The following GPC3 variants were observed in gnomAD, a reference collection of about 807,000 sequenced individuals.
The protein encoded by GPC3 is glypican-3.
A neutral mutation model predicts 34.4 loss-of-function variants in GPC3; 3 were observed. The ratio of observed to expected loss-of-function variants is 0.09; its 90% CI spans 0.04 to 0.23. GPC3 has a LOEUF of 0.23. Among genes scored for constraint, GPC3 ranks in the 10% least tolerant of loss-of-function variants. The probability of loss-of-function intolerance (pLI) is 1.00; values close to 1 mark genes in which losing one functional copy is unlikely to be tolerated. For missense variants in GPC3, 351 were observed against 445.6 expected (o/e 0.79, Z 1.91); for synonymous variants, 177 against 174.0 (o/e 1.02, Z -0.13).
At chrX:133,963,103 G>A (rs1287433730) in intron 1 of GPC3, among the ~76,000 whole-genome samples, 3 of 112,417 alleles carry the variant, frequency 2.7e-5, no homozygotes, top group Admixed American at 9.4e-5. Flanking sequence ...TTTTAGGAAC[G>A]CTTTGTCAAT....
At chrX:133,814,380 A>C in intron 2 of GPC3, among the ~76,000 whole-genome samples, 1 of 110,699 alleles carries the variant, frequency 9.0e-6, no homozygotes, top group Non-Finnish European at 1.9e-5. Context: ...AAATCTGCTG[A>C]TGTGGTTTCC....
intron 7 of GPC3, among the ~76,000 whole-genome samples, chrX:133,573,473 T>C (rs1156415039): frequency 8.9e-6 from 1 of 111,955 alleles, no homozygotes; most frequent in African/African-American, 3.2e-5. Context: ...AGAACTGTCT[T>C]TATTTGAAGA....
In GPC3 at chrX:133,687,383, GTTTTTTTTTTTT is replaced by G. The variant is rs1189478107; in HGVS notation, c.1292+4974_1292+4985del. ...TGTGGAATGAGCCTGAATTATCAGA[GTTTTTTTTTTTT>G]TTTTTTTTTTTTTTGAGATGGAATC... On this transcript the variant is annotated intron_variant, in intron 5 of 7. Transcript: ENST00000370818. 1.4e-3 allele frequency among the ~76,000 whole-genome samples: 71 copies of G among 50,209 alleles called. 1 individual carries two copies. The East Asian group carries it at 0.029, about 20-fold the overall frequency. 43.6% of individuals were successfully genotyped at this position (50,209 alleles called of 115,157 possible).
At chrX:133,732,826 A>C (rs981431169) in intron 3 of GPC3, among the ~76,000 whole-genome samples, 3 of 111,596 alleles carry the variant, frequency 2.7e-5, no homozygotes, top group Non-Finnish European at 3.8e-5. Flanking sequence ...CTTTGGAGGC[A>C]ATCCACTACA....
chrX:133,594,053 G>A (rs966798662), intron 7 of GPC3, among the ~76,000 whole-genome samples: 16 of 111,137 alleles, frequency 1.4e-4, no homozygotes, highest in Non-Finnish European at 2.6e-4. Flanking sequence ...CTGAGACTGC[G>A]CCACTGCACT....
intron 2 of GPC3, among the ~76,000 whole-genome samples, chrX:133,915,126 T>C (rs1374282894): frequency 9.2e-6 from 1 of 108,859 alleles, no homozygotes; most frequent in East Asian, 2.8e-4. Flanking sequence ...TGTACCATGA[T>C]TGATTAACAG....
intron 7 of GPC3, among the ~76,000 whole-genome samples, chrX:133,580,384 T>C (rs1569387723): frequency 8.9e-6 from 1 of 112,053 alleles, no homozygotes; most frequent in Non-Finnish European, 1.9e-5. Flanking sequence ...GAAATGTGCA[T>C]GATTTCCTCA....
At chrX:133,851,636 T>C (rs2075874137) in intron 2 of GPC3, among the ~76,000 whole-genome samples, 1 of 112,130 alleles carries the variant, frequency 8.9e-6, no homozygotes, top group African/African-American at 3.2e-5. Flanking sequence ...GTATAAGTTC[T>C]ACTTTCTCTA....
At chrX:133,878,053 T>C (rs1211471554) in intron 2 of GPC3, among the ~76,000 whole-genome samples, 1 of 112,439 alleles carries the variant, frequency 8.9e-6, no homozygotes, top group African/African-American at 3.2e-5. Context: ...CTTACTTTTT[T>C]TCTCTATTTT....
At chrX:133,559,407 G>C (rs1340723894) in intron 7 of GPC3, among the ~76,000 whole-genome samples, 4 of 111,676 alleles carry the variant, frequency 3.6e-5, no homozygotes, top group African/African-American at 1.3e-4. Context: ...CACTGTGCCA[G>C]GTGCCATAGT....
chrX:133,672,610 C>A (rs2070839064), intron 5 of GPC3, among the ~76,000 whole-genome samples: 1 of 112,279 alleles, frequency 8.9e-6, no homozygotes, highest in Non-Finnish European at 1.9e-5. Context: ...TTGTCCTACT[C>A]AAGCTAAACC....
At chrX:133,647,517 T>C (rs1204522100) in intron 6 of GPC3, among the ~76,000 whole-genome samples, 10 of 112,704 alleles carry the variant, frequency 8.9e-5, no homozygotes. Flanking sequence ...TGTAAAGTTC[T>C]TGGAGACTGT....
chrX:133,680,694 A>G (rs1002536479), intron 5 of GPC3, among the ~76,000 whole-genome samples: 4 of 112,384 alleles, frequency 3.6e-5, no homozygotes, highest in African/African-American at 1.3e-4. Context: ...AGGGTGACAG[A>G]AAGGACTTTA....
In GPC3 at chrX:133,841,215, A is replaced by ATTT. The variant is rs769696321; in HGVS notation, c.338-87042_338-87040dup. On this transcript the variant is annotated intron_variant, in intron 2 of 7. Transcript: ENST00000370818. ...ACCACCATGCCTGGCTAATCTTTTA[A>ATTT]TTTTTTTTTTTTTTTTTTTTTTTGG... is the stretch of plus-strand genomic sequence containing the variant. Among the ~76,000 whole-genome samples, 16 of 39,244 alleles carry ATTT rather than the reference A, an allele frequency of 4.1e-4. 4 individuals are homozygous for ATTT. The highest frequency in any genetic ancestry group is 7.5e-4 in the Non-Finnish European group (14 of 18,661). 34.1% of individuals were successfully genotyped at this position (39,244 alleles called of 115,157 possible).
chrX:133,687,197 C>T (rs2071016274), intron 5 of GPC3, among the ~76,000 whole-genome samples: 1 of 101,863 alleles, frequency 9.8e-6, no homozygotes, highest in Admixed American at 1.1e-4. Flanking sequence ...CTGCCTCGGC[C>T]TCCCAAAGTG....
intron 6 of GPC3, among the ~76,000 whole-genome samples, chrX:133,635,074 G>A (rs1469143991): frequency 2.7e-5 from 3 of 111,239 alleles, no homozygotes; most frequent in Non-Finnish European, 5.6e-5. Flanking sequence ...TGAAGTTCAA[G>A]TTGACACTTT....
intron 3 of GPC3, among the ~76,000 whole-genome samples, chrX:133,719,145 C>T (rs1603232362): frequency 1.8e-5 from 2 of 110,982 alleles, no homozygotes; most frequent in African/African-American, 6.6e-5. Flanking sequence ...AAACACAATT[C>T]TCTACTACAC....
chrX:133,774,757 G>A (rs755116998), intron 2 of GPC3, among the ~76,000 whole-genome samples: 17 of 111,452 alleles, frequency 1.5e-4, no homozygotes, highest in African/African-American at 5.2e-4. Flanking sequence ...GCTCAGAAAG[G>A]TATAACCACT....
chrX:133,690,733 G>C lies in GPC3; in HGVS notation c.1292+1636C>G, dbSNP rs750185788. 2.7e-5 allele frequency among the ~76,000 whole-genome samples: 3 copies of C among 111,671 alleles called. No individual in the cohort carries two copies. The South Asian group carries it at 1.1e-3, about 42-fold the overall frequency. ...AATAAGAAAAAAATACAGATTGTCA[G>C]ACCTGGAGGGGCTCTAATCCAACCA... On this transcript the variant is annotated intron_variant, in intron 5 of 7. Coordinates refer to ENST00000370818, the MANE Select transcript of GPC3 (RefSeq NM_004484.4).
Sources: gnomAD v4.1 joint callset for allele counts (sites outside exome capture counted in the v4.1 genomes callset) on GRCh38, gnomAD v4.1.1 for gene constraint, MANE v1.5 for transcripts, NCBI Gene and HGNC (gene_info 2026-07-23, HGNC 2026-07-21) for gene names.